The following TENM2 variants were observed in gnomAD, a reference collection of about 807,000 sequenced individuals.
TENM2 encodes the protein teneurin transmembrane protein 2.
TENM2 carries 52 observed loss-of-function variants against 245.2 expected under a neutral mutation model. The ratio of observed to expected loss-of-function variants is 0.21; its 90% CI spans 0.17 to 0.27. The LOEUF is 0.27. Among genes scored for constraint, TENM2 ranks in the 10% least tolerant of loss-of-function variants. TENM2 has a pLI of 1.00. For synonymous variants in TENM2, 1,363 were observed against 1,438.9 expected (o/e 0.95, Z 1.19); for missense variants, 3,046 against 3,666.8 (o/e 0.83, Z 4.37).
chr5:168,019,098 A>G (rs1337416199), intron 5 of TENM2, among the ~76,000 whole-genome samples: 1 of 152,170 alleles, frequency 6.6e-6, no homozygotes, highest in Non-Finnish European at 1.5e-5. Flanking sequence ...TTCAGGAATA[A>G]GAACACCAAG....
intron 13 of TENM2, among the ~76,000 whole-genome samples, chr5:168,163,998 T>A (rs1287752784): frequency 6.6e-6 from 1 of 152,132 alleles, no homozygotes; most frequent in Non-Finnish European, 1.5e-5. Context: ...TAATCCTAAA[T>A]GGGTCCTGGT....
chr5:168,087,725 A>C (rs574629346), intron 7 of TENM2, among the ~76,000 whole-genome samples: 71 of 152,240 alleles, frequency 4.7e-4, no homozygotes, highest in African/African-American at 1.6e-3. Flanking sequence ...CTGCAGATGA[A>C]ACCCCTGTCT....
chr5:167,529,002 A>G (rs761660941), intron 2 of TENM2, among the ~76,000 whole-genome samples: 1 of 152,180 alleles, frequency 6.6e-6, no homozygotes, highest in Non-Finnish European at 1.5e-5. Context: ...ATTAAGCAAA[A>G]TAGAAAATGA....
At chr5:168,168,908 T>C (rs563225150) in intron 13 of TENM2, among the ~76,000 whole-genome samples, 230 of 152,286 alleles carry the variant, frequency 1.5e-3, no homozygotes, top group African/African-American at 5.1e-3. Flanking sequence ...TTAACAAACA[T>C]TTGTTGAGGG....
chr5:167,339,516 C>CTT (rs965529205), intron 1 of TENM2, among the ~76,000 whole-genome samples: 1 of 147,718 alleles, frequency 6.8e-6, no homozygotes, highest in Non-Finnish European at 1.5e-5. Flanking sequence ...TTCATTTATT[C>CTT]TTTTTTTTTT....
At chr5:167,263,356 C>T in the TENM2 span, among the ~76,000 whole-genome samples, 4 of 83,848 alleles carry the variant, frequency 4.8e-5, no homozygotes, top group Non-Finnish European at 1.4e-4. Flanking sequence ...TTCAAGGTTT[C>T]ACAGATAGTA....
At chr5:168,231,654 C>T (rs1251507384) in intron 25 of TENM2, among the ~76,000 whole-genome samples, 1 of 151,748 alleles carries the variant, frequency 6.6e-6, no homozygotes, top group Non-Finnish European at 1.5e-5. Context: ...TTTCCCAACA[C>T]TTTGGGAGGC....
intron 4 of TENM2, among the ~76,000 whole-genome samples, chr5:167,971,529 C>T (rs989417138): frequency 1.3e-5 from 2 of 151,976 alleles, no homozygotes; most frequent in African/African-American, 4.8e-5. Context: ...GGTGAAACTT[C>T]GTGTCTATTA....
intron 2 of TENM2, among the ~76,000 whole-genome samples, chr5:167,434,129 C>T (rs34755583): frequency 2.0e-5 from 3 of 151,736 alleles, no homozygotes; most frequent in Non-Finnish European, 4.4e-5. Flanking sequence ...TTAATTCATT[C>T]AGATAATTAG....
chr5:167,939,161 C>T lies in TENM2; in HGVS notation c.713-13427C>T, dbSNP rs151064509. ...CAGCATTCCTCAACCTTTTTGGCAC[C>T]GAGGACCAGTTTCACGGAAGACAAA... On this transcript the variant is annotated intron_variant, in intron 3 of 28. Coordinates refer to ENST00000518659, the Ensembl canonical transcript of TENM2. 3.8e-3 allele frequency among the ~76,000 whole-genome samples: 583 copies of T among 152,184 alleles called. 3 individuals carry two copies. The highest frequency in any genetic ancestry group is 0.013 in the African/African-American group (535 of 41,512).
chr5:167,306,394 G>A (rs1755680563), intron 1 of TENM2: 1 of 152,076 alleles, frequency 6.6e-6, no homozygotes, highest in South Asian at 2.1e-4. Context: ...TTGCTCCTCA[G>A]TCATCCTTAG....
the TENM2 span, among the ~76,000 whole-genome samples, chr5:167,172,898 A>G: frequency 3.2e-4 from 48 of 152,072 alleles, no homozygotes; most frequent in African/African-American, 1.2e-3. Flanking sequence ...TTCTCTTTTT[A>G]TTTCCTACAT....
At chr5:167,568,494 A>G (rs1774049523) in intron 2 of TENM2, among the ~76,000 whole-genome samples, 1 of 152,098 alleles carries the variant, frequency 6.6e-6, no homozygotes, top group African/African-American at 2.4e-5. Flanking sequence ...AACAACAACA[A>G]CAATAAAAAC....
chr5:167,538,513 A>G (rs1472748389), intron 2 of TENM2, among the ~76,000 whole-genome samples: 1 of 152,236 alleles, frequency 6.6e-6, no homozygotes, highest in Non-Finnish European at 1.5e-5. Context: ...CTCATTTAAC[A>G]ATAAGTGAAA....
At chr5:167,937,790 GAT>G (rs1345564176) in intron 3 of TENM2, 1 of 152,172 alleles carries the variant, frequency 6.6e-6, no homozygotes, top group African/African-American at 2.4e-5. Flanking sequence ...GAATTGGCAT[GAT>G]GGCGCTCAGA....
intron 6 of TENM2, among the ~76,000 whole-genome samples, chr5:168,052,775 G>A (rs1042478348): frequency 6.6e-6 from 1 of 151,844 alleles, no homozygotes; most frequent in African/African-American, 2.4e-5. Context: ...TAACTCAGCT[G>A]TAAACATTTA....
intron 5 of TENM2, among the ~76,000 whole-genome samples, chr5:167,996,158 G>A (rs1461986236): frequency 1.3e-5 from 2 of 152,068 alleles, no homozygotes; most frequent in East Asian, 1.9e-4. Context: ...GACATTGCTC[G>A]GCCCCCTGAC....
intron 2 of TENM2, among the ~76,000 whole-genome samples, chr5:167,864,740 TTTC>T (rs1439150696): frequency 1.3e-5 from 2 of 152,346 alleles, no homozygotes; most frequent in Admixed American, 1.3e-4. Flanking sequence ...TGCAGTTCAC[TTTC>T]TTCATGTTTA....
rs117543787 is a variant in TENM2, at chr5:167,881,656, G to A, written c.712+5461G>A. Among the ~76,000 whole-genome samples the A allele has an allele frequency of 1.1e-3, 163 of 152,258 alleles. 1 individual carries two copies. In the East Asian group the frequency reaches 0.026, roughly 25 times the overall value. On this transcript the variant is annotated intron_variant, in intron 3 of 28. Transcript: ENST00000518659. ...TGGATGTCTGGTTCAGACATTCAGA[G>A]CTACCTGCGGCTCCTTCCTGGCATC...
Sources: allele counts gnomAD v4.1 joint callset (sites outside exome capture counted in the v4.1 genomes callset), GRCh38; gene constraint gnomAD v4.1.1; transcripts MANE v1.5; gene names NCBI Gene and HGNC (gene_info 2026-07-23, HGNC 2026-07-21).